TSEN34: variants seen among roughly 807,000 people sequenced by gnomAD.
The protein encoded by TSEN34 is tRNA splicing endonuclease subunit 34, also known as tRNA-splicing endonuclease subunit Sen34.
In TSEN34, 25 loss-of-function variants were observed where a neutral mutation model predicts 30.2. The observed-to-expected ratio is 0.83, with a 90% CI of 0.60 to 1.16. The LOEUF (loss-of-function observed/expected upper bound fraction) is 1.16. Ranked by LOEUF, TSEN34 falls within the 50% of genes most tolerant of loss-of-function variation. The pLI is 0.00. For synonymous variants in TSEN34, 209 were observed against 177.4 expected (o/e 1.18, Z -1.41); for missense variants, 475 against 411.9 (o/e 1.15, Z -1.33).
upstream of TSEN34, chr19:54,190,191 G>GC (rs1568839713): frequency 9.8e-6 from 6 of 611,428 alleles, no homozygotes; most frequent in Non-Finnish European, 1.7e-5. Context: ...AGCCAAGGTG[G>GC]CCCCCGCGGG....
At chr19:54,190,995 C>G, upstream of TSEN34, 2 of 1,114,792 alleles carry the variant, frequency 1.8e-6, no homozygotes, top group Non-Finnish European at 2.2e-6. Context: ...GGGCGTGTCG[C>G]CGCGCTTGCG....
At chr19:54,191,268 G>T, upstream of TSEN34, 1 of 1,523,408 alleles carries the variant, frequency 6.6e-7, no homozygotes, top group Non-Finnish European at 8.8e-7. Flanking sequence ...CTAGGGGCGG[G>T]GCTTCGCCGA....
At chr19:54,193,039 T>A (rs2076765524) in intron 3 of TSEN34, 136 bp from the exon 4 acceptor site, 1 of 1,189,394 alleles carries the variant, frequency 8.4e-7, no homozygotes, top group Admixed American at 2.0e-5. Flanking sequence ...GTGGAATAGT[T>A]GTGTCCAAGA....
upstream of TSEN34, chr19:54,190,006 G>C: frequency 2.0e-6 from 1 of 495,330 alleles, no homozygotes; most frequent in East Asian, 3.8e-5. Flanking sequence ...GGAGTCAACA[G>C]GTTCGCCAGA....
chr19:54,189,587 C>G (rs963418802), upstream of TSEN34: 1 of 152,622 alleles, frequency 6.6e-6, no homozygotes, highest in Admixed American at 6.5e-5. Context: ...CACTGGGATC[C>G]GAGCTCCGAG....
At chr19:54,191,286 G>A, upstream of TSEN34, 1 of 1,541,242 alleles carries the variant, frequency 6.5e-7, no homozygotes, top group South Asian at 1.2e-5. Context: ...CGAGACCCCG[G>A]AGGCTTTGGG....
At chr19:54,190,975 C>G (rs767248610), upstream of TSEN34, 6 of 1,089,014 alleles carry the variant, frequency 5.5e-6, no homozygotes, top group Non-Finnish European at 6.7e-6. Context: ...CAAAATGGAC[C>G]TTTGTAAGGG....
At position 54,193,433 on chromosome 19, in the gene TSEN34, T is replaced by C. The variant is rs191300691; in HGVS notation, c.*71T>C. 4.4e-6 allele frequency: 7 copies of C among 1,602,530 alleles called. No individual in the cohort carries two copies. The African/African-American group carries it at 8.0e-5, about 18-fold the overall frequency. On this transcript the variant is annotated 3_prime_UTR_variant, in exon 4 of 4. Transcript: ENST00000396388. Reference sequence around the variant, plus strand: ...TTCTGGATGTTCCCCAGCTCTTCTCTGGGAGTCTAGAACATCCTCCTACCT... The same window carrying C: ...TTCTGGATGTTCCCCAGCTCTTCTCCGGGAGTCTAGAACATCCTCCTACCT...
chr19:54,191,013 GT>G, upstream of TSEN34: 2 of 1,147,862 alleles, frequency 1.7e-6, no homozygotes, highest in South Asian at 3.1e-5. Context: ...GCGGAGGTTT[GT>G]TTTTCACGCT....
Position 54,192,390 on chromosome 19 carries a change from G to A in TSEN34, c.745+17G>A. ...TCTATCCTGGTGAGTATGGGTTGGG[G>A]CCTCTGGTTGCTGTGCCTTTCCATA... On this transcript the variant is annotated intron_variant, in intron 3 of 3. Coordinates refer to ENST00000396388, the MANE Select transcript of TSEN34 (RefSeq NM_001077446.4). 1 of 1,614,090 alleles carries A rather than the reference G, an allele frequency of 6.2e-7. No individual in the cohort carries two copies. Among genetic ancestry groups the A allele is most frequent in the Non-Finnish European group, 8.5e-7 (1 of 1,180,032 alleles).
At chr19:54,190,023 T>TGG (rs1568838918), upstream of TSEN34, 6 of 522,052 alleles carry the variant, frequency 1.1e-5, no homozygotes, top group Non-Finnish European at 2.0e-5. Context: ...CAGACACCCA[T>TGG]GAGTATTTAC....
upstream of TSEN34, chr19:54,191,147 G>A: frequency 7.4e-7 from 1 of 1,358,612 alleles, no homozygotes; most frequent in East Asian, 3.0e-5. Flanking sequence ...TGTCTCCGGC[G>A]TCTCGTCTCC....
chr19:54,192,006 G>C, intron 2 of TSEN34, 42 bp downstream of exon 2: 6 of 1,613,998 alleles, frequency 3.7e-6, no homozygotes, highest in Middle Eastern at 3.3e-4. Flanking sequence ...GGGAAGGAGA[G>C]GAGAGATCTT....
upstream of TSEN34, chr19:54,190,765 G>A: frequency 2.0e-5 from 23 of 1,164,254 alleles, no homozygotes; most frequent in Non-Finnish European, 2.4e-5. Flanking sequence ...CCTGTGCTCG[G>A]GAGGGGGCAG....
rs562060132 is a variant in TSEN34, at chr19:54,193,446, C to T, written c.*84C>T. 6.3e-7 allele frequency: 1 copy of T among 1,591,884 alleles called. No individual in the cohort carries two copies. The highest frequency in any genetic ancestry group is 2.3e-5 in the East Asian group (1 of 43,312). On this transcript the variant is annotated 3_prime_UTR_variant, in exon 4 of 4. Coordinates refer to ENST00000396388, the MANE Select transcript of TSEN34 (RefSeq NM_001077446.4). ...CCAGCTCTTCTCTGGGAGTCTAGAA[C>T]ATCCTCCTACCTTTCTCCGCGGTTA...
chr19:54,193,117 C>G, intron 3 of TSEN34, 58 bp from the exon 4 acceptor site: 1 of 1,610,558 alleles, frequency 6.2e-7, no homozygotes, highest in Non-Finnish European at 8.5e-7. Context: ...TGGTCGTTCC[C>G]GTGGCGTCCA....
At chr19:54,190,873 G>A, upstream of TSEN34, 1 of 1,047,720 alleles carries the variant, frequency 9.5e-7, no homozygotes, top group Non-Finnish European at 1.1e-6. Flanking sequence ...TCCGGAAGAG[G>A]GTGTGGCCTC....
upstream of TSEN34, chr19:54,190,734 G>T: frequency 8.3e-7 from 1 of 1,201,968 alleles, no homozygotes; most frequent in Non-Finnish European, 1.0e-6. Context: ...GTGGAGCCGA[G>T]GACGCCCGAA....
upstream of TSEN34, chr19:54,190,987 G>T (rs542754609): frequency 2.7e-6 from 3 of 1,108,694 alleles, no homozygotes; most frequent in African/African-American, 1.7e-5. Flanking sequence ...TTGTAAGGGG[G>T]CGTGTCGCCG....
Sources: allele counts gnomAD v4.1 joint callset, GRCh38; gene constraint gnomAD v4.1.1; transcripts MANE v1.5; gene names NCBI Gene and HGNC (gene_info 2026-07-23, HGNC 2026-07-21).